SLC13A2: variants seen among roughly 807,000 people sequenced by gnomAD.
The protein encoded by SLC13A2 is solute carrier family 13 member 2.
In SLC13A2, 40 loss-of-function variants were observed where a neutral mutation model predicts 58.5. The observed-to-expected ratio is 0.68, with a 90% confidence interval of 0.53 to 0.89. The LOEUF (loss-of-function observed/expected upper bound fraction) is 0.89. SLC13A2 is among the 40% of genes least tolerant of loss of function. The pLI is 0.00. For synonymous variants in SLC13A2, 341 were observed against 331.6 expected (o/e 1.03, Z -0.31); for missense variants, 694 against 772.6 (o/e 0.90, Z 1.21).
In SLC13A2 at chr17:28,485,350, A is replaced by G. The variant is rs782801583; in HGVS notation, c.103-3864A>G. On this transcript the variant is annotated intron_variant, in intron 1 of 11. Transcript: ENST00000314669. ...CCAGCGTGTAAACCAGCTGAGTCCA[A>G]TGCCATAGGCTGTCAGTTGAACTTG... Among the ~76,000 whole-genome samples, 6 of 152,178 alleles carry G rather than the reference A, an allele frequency of 3.9e-5. No individual in the cohort carries two copies. The East Asian group carries it at 5.8e-4, about 15-fold the overall frequency.
At chr17:28,477,926 C>T (rs933132806) in intron 1 of SLC13A2, among the ~76,000 whole-genome samples, 4 of 151,990 alleles carry the variant, frequency 2.6e-5, no homozygotes, top group African/African-American at 4.8e-5. Flanking sequence ...GGTGTGGTGG[C>T]GCATGCCTGT....
Position 28,489,418 on chromosome 17 carries a change from A to G in SLC13A2, c.231+76A>G, listed in dbSNP as rs557986659. ...GGGTGGGTTCCCTCAGCCCTTGTTGACAAAGGAAGCCTCACCATAGGCAGG... is the reference window on the plus strand; with the variant it reads ...GGGTGGGTTCCCTCAGCCCTTGTTGGCAAAGGAAGCCTCACCATAGGCAGG... On this transcript the variant is annotated intron_variant, in intron 2 of 11. Transcript: ENST00000314669. The G allele has an allele frequency of 4.6e-5, 70 of 1,508,978 alleles. No homozygotes were observed. In the African/African-American group the frequency reaches 8.0e-4, roughly 17 times the overall value. The allele number at this position is 1,508,978 out of a possible 1,614,324, so 93.5% of individuals were successfully genotyped here. A position where few individuals can be genotyped will look rare whatever the true frequency, so the allele number is the denominator to read the frequency against.
chr17:28,485,914 G>A (rs1555601890), intron 1 of SLC13A2, among the ~76,000 whole-genome samples: 1 of 152,072 alleles, frequency 6.6e-6, no homozygotes, highest in Admixed American at 6.5e-5. Flanking sequence ...AGAATTGCCT[G>A]TGCCCAGCAC....
At chr17:28,480,604 AC>A (rs1265187356) in intron 1 of SLC13A2, among the ~76,000 whole-genome samples, 4 of 152,146 alleles carry the variant, frequency 2.6e-5, no homozygotes, top group African/African-American at 9.7e-5. Context: ...GCCTCTTCAA[AC>A]CCTGCCATCT....
At chr17:28,473,841 A>T in intron 1 of SLC13A2, 27 bp downstream of exon 1, 2 of 1,599,410 alleles carry the variant, frequency 1.3e-6, no homozygotes, top group Non-Finnish European at 8.6e-7. Flanking sequence ...CTGAGCACAG[A>T]TAACTCCAGG....
chr17:28,493,655 G>T lies in SLC13A2; in HGVS notation c.963G>T (p.Leu321=), dbSNP rs1555603975. 5 of 1,614,124 alleles carry T rather than the reference G, an allele frequency of 3.1e-6. No homozygotes were observed. Among genetic ancestry groups the T allele is most frequent in the East Asian group, 4.5e-5 (2 of 44,892 alleles). The change falls in exon 7 of 12, where the codon CTG becomes CTT. Residue 321 remains leucine (L), a synonymous_variant. Transcript: ENST00000314669. ...AYCVIQTEHR[L]LGPMTFAEKA... ...GCGTCATCCAGACCGAGCACAGGCT[G>T]CTGGGCCCCATGACCTTTGCAGAAA... is the stretch of plus-strand genomic sequence containing the variant.
intron 1 of SLC13A2, among the ~76,000 whole-genome samples, chr17:28,476,630 G>C (rs2068675944): frequency 6.6e-6 from 1 of 151,942 alleles, no homozygotes; most frequent in Admixed American, 6.6e-5. Flanking sequence ...CTGTTTTTAG[G>C]TTTCAGCTTA....
chr17:28,484,900 C>T (rs1332254075), intron 1 of SLC13A2, among the ~76,000 whole-genome samples: 1 of 152,040 alleles, frequency 6.6e-6, no homozygotes, highest in East Asian at 1.9e-4. Context: ...GGATTGACTG[C>T]TGGGTGGAGA....
intron 1 of SLC13A2, among the ~76,000 whole-genome samples, chr17:28,475,160 C>T (rs2068649523): frequency 1.3e-5 from 2 of 152,204 alleles, no homozygotes; most frequent in Admixed American, 1.3e-4. Flanking sequence ...TCCCAATTCC[C>T]CTCGACCTGG....
In SLC13A2 at chr17:28,478,834, G is replaced by A. The variant is rs1190466758; in HGVS notation, c.102+5020G>A. Among the ~76,000 whole-genome samples, 4 of 152,150 alleles carry A rather than the reference G, an allele frequency of 2.6e-5. No individual in the cohort carries two copies. In the East Asian group the frequency reaches 7.7e-4, roughly 29 times the overall value. ...AGTACTGTGTGACAAGTACTGTTTG[G>A]GTGTGTTGGGAAGAGAAAGTGGGAG... On this transcript the variant is annotated intron_variant, in intron 1 of 11. Transcript: ENST00000314669.
Position 28,493,667 on chromosome 17 carries a change from GA to G in SLC13A2, c.976del (p.Thr326ProfsTer54), listed in dbSNP as rs1555603986. On this transcript the variant is annotated frameshift_variant, in exon 7 of 12. Coordinates refer to ENST00000314669, the MANE Select transcript of SLC13A2 (RefSeq NM_003984.4). LOFTEE classifies it high-confidence loss of function. ...QTEHRLLGPM[T>X]FAEKAISILF... is the part of the protein sequence containing the mutation. ...CCGAGCACAGGCTGCTGGGCCCCATGACCTTTGCAGAAAAGGCCATCAGCAT... is the reference window on the plus strand; with the variant it reads ...CCGAGCACAGGCTGCTGGGCCCCATGCCTTTGCAGAAAAGGCCATCAGCAT... 1 of 1,614,240 alleles carries G rather than the reference GA, an allele frequency of 6.2e-7. No homozygotes were observed. The highest frequency in any genetic ancestry group is 1.7e-5 in the Admixed American group (1 of 60,030).
Position 28,490,625 on chromosome 17 carries a change from T to C in SLC13A2, c.368+35T>C, listed in dbSNP as rs1052025856. On this transcript the variant is annotated intron_variant, in intron 3 of 11. Coordinates refer to ENST00000314669, the MANE Select transcript of SLC13A2 (RefSeq NM_003984.4). The stretch of plus-strand genomic sequence containing the variant: ...TCCTGCAAACCAGCACGGGAGAACC[T>C]GACGAGGAGATATTCTGGGCACCCA... 2.5e-6 allele frequency: 4 copies of C among 1,588,030 alleles called. No individual in the cohort carries two copies. In the Admixed American group the frequency reaches 5.1e-5, roughly 20 times the overall value.
rs2069095579 is a variant in SLC13A2, at chr17:28,494,322, G to T, written c.1187-69G>T. 2 of 1,613,486 alleles carry T rather than the reference G, an allele frequency of 1.2e-6. No individual in the cohort carries two copies. Among genetic ancestry groups the T allele is most frequent in the African/African-American group, 2.7e-5 (2 of 74,940 alleles). Reference sequence around the variant, plus strand: ...GCTCCAAAAGGGACCCACACAGGGAGCCCGCAAATGGAGAGGGGAAAGGCC... The same window carrying T: ...GCTCCAAAAGGGACCCACACAGGGATCCCGCAAATGGAGAGGGGAAAGGCC... On this transcript the variant is annotated intron_variant, in intron 8 of 11. Coordinates refer to ENST00000314669, the MANE Select transcript of SLC13A2 (RefSeq NM_003984.4). The surrounding 1 kb of genome is among the most constrained non-coding windows in gnomAD (Gnocchi z 4.0).
At chr17:28,475,891 A>G (rs1363174113) in intron 1 of SLC13A2, among the ~76,000 whole-genome samples, 1 of 152,162 alleles carries the variant, frequency 6.6e-6, no homozygotes, top group African/African-American at 2.4e-5. Flanking sequence ...CTCGTGCTTT[A>G]AAAAGCATCT....
chr17:28,496,441 C>A lies in SLC13A2; in HGVS notation c.1471-9C>A. 1 of 1,595,200 alleles carries A rather than the reference C, an allele frequency of 6.3e-7. No individual in the cohort carries two copies. The highest frequency in any genetic ancestry group is 8.6e-7 in the Non-Finnish European group (1 of 1,168,218). On this transcript the variant is annotated splice_polypyrimidine_tract_variant and intron_variant, in intron 10 of 11. Coordinates refer to ENST00000314669, the MANE Select transcript of SLC13A2 (RefSeq NM_003984.4). The surrounding 1 kb of genome is among the most constrained non-coding windows in gnomAD (Gnocchi z 4.2). ...AAGTTCAGCTCTGCGCCACTGCCTC[C>A]CACTCCAGGCCCAGGCCATCTGCCT...
intron 1 of SLC13A2, among the ~76,000 whole-genome samples, chr17:28,475,759 CA>C (rs1567842228): frequency 6.6e-6 from 1 of 152,166 alleles, no homozygotes; most frequent in Non-Finnish European, 1.5e-5. Context: ...GCTTTGGTGA[CA>C]CCTTCTCCTG....
intron 1 of SLC13A2, 121 bp from the exon 2 acceptor site, chr17:28,489,093 T>TGG: frequency 8.7e-7 from 1 of 1,142,870 alleles, no homozygotes; most frequent in Non-Finnish European, 1.2e-6. Context: ...TCAATGACTG[T>TGG]GGGTTTCACA....
intron 4 of SLC13A2, 109 bp from the exon 5 acceptor site, chr17:28,491,328 G>A (rs945560852): frequency 6.3e-5 from 78 of 1,231,978 alleles, no homozygotes; most frequent in Non-Finnish European, 7.7e-5. Flanking sequence ...TTCCAGCCCC[G>A]GTCTGGGCTG....
At chr17:28,489,713 G>A (rs183253631) in intron 2 of SLC13A2, among the ~76,000 whole-genome samples, 302 of 152,288 alleles carry the variant, frequency 2.0e-3, no homozygotes, top group Non-Finnish European at 3.4e-3. Flanking sequence ...CAAATGGCTG[G>A]GTCCAGAGTT....
Sources: gnomAD v4.1 joint callset for allele counts (sites outside exome capture counted in the v4.1 genomes callset) on GRCh38, gnomAD v4.1.1 for gene constraint, Gnocchi (gnomAD v3.1) non-coding constraint, MANE v1.5 for transcripts, NCBI Gene and HGNC (gene_info 2026-07-23, HGNC 2026-07-21) for gene names.